HYCC2: variants seen among roughly 807,000 people sequenced by gnomAD.
HYCC2 encodes hyccin 2.
the HYCC2 span, among the ~76,000 whole-genome samples, chr2:201,058,112 C>A: frequency 2.6e-5 from 4 of 152,112 alleles, no homozygotes; most frequent in Admixed American, 6.6e-5. Context: ...TACCCTCTAT[C>A]CTAACTACCC....
chr2:200,987,947 G>A, the HYCC2 span, among the ~76,000 whole-genome samples: 1 of 152,020 alleles, frequency 6.6e-6, no homozygotes, highest in African/African-American at 2.4e-5. Context: ...GTGCTCATAT[G>A]TGCACCTTTT....
chr2:201,055,381 T>G, the HYCC2 span, among the ~76,000 whole-genome samples: 3 of 133,260 alleles, frequency 2.3e-5, no homozygotes, highest in African/African-American at 8.9e-5. Flanking sequence ...AAATTCCATC[T>G]CGAAAAAAAA....
chr2:201,042,314 ACCTCCCAGCCG>A, the HYCC2 span, among the ~76,000 whole-genome samples: 1 of 149,400 alleles, frequency 6.7e-6, no homozygotes, highest in African/African-American at 2.5e-5. Flanking sequence ...TACAACCTAC[ACCTCCCAGCCG>A]CCTGCCTTGG....
At chr2:200,975,156 T>A in the HYCC2 span, 1 of 151,996 alleles carries the variant, frequency 6.6e-6, no homozygotes, top group Non-Finnish European at 1.5e-5. Flanking sequence ...TTGACATTTA[T>A]TGACATAAGA....
At chr2:201,059,554 T>C in the HYCC2 span, among the ~76,000 whole-genome samples, 1 of 152,196 alleles carries the variant, frequency 6.6e-6, no homozygotes, top group East Asian at 1.9e-4. Flanking sequence ...ATCTTGACTT[T>C]TGGGAAGGAA....
the HYCC2 span, chr2:201,063,240 C>T: frequency 5.0e-6 from 8 of 1,596,788 alleles, no homozygotes; most frequent in Admixed American, 8.3e-5. Context: ...GATCCAAACA[C>T]CAAGTGCTCC....
chr2:200,999,354 T>C, the HYCC2 span, among the ~76,000 whole-genome samples: 7 of 152,016 alleles, frequency 4.6e-5, no homozygotes, highest in Admixed American at 4.6e-4. Flanking sequence ...TATATTAACA[T>C]GGTCAGAGCT....
chr2:201,017,246 C>A, the HYCC2 span: 2 of 1,034,598 alleles, frequency 1.9e-6, no homozygotes, highest in South Asian at 1.8e-5. Flanking sequence ...TTTAAGGCAC[C>A]TATATCTGTA....
At chr2:201,055,925 A>G in the HYCC2 span, among the ~76,000 whole-genome samples, 1 of 152,144 alleles carries the variant, frequency 6.6e-6, no homozygotes, top group Non-Finnish European at 1.5e-5. Context: ...ACGGTGGCTC[A>G]CACCTGTAAT....
At chr2:200,993,468 A>G in the HYCC2 span, among the ~76,000 whole-genome samples, 6 of 152,184 alleles carry the variant, frequency 3.9e-5, no homozygotes, top group Non-Finnish European at 5.9e-5. Flanking sequence ...CATCCATTCA[A>G]TCTCATTAAG....
chr2:200,974,989 C>T, the HYCC2 span: 18 of 151,862 alleles, frequency 1.2e-4, no homozygotes, highest in Non-Finnish European at 2.2e-4. Context: ...TTTTACTTAA[C>T]CCACAATATT....
the HYCC2 span, among the ~76,000 whole-genome samples, chr2:201,067,704 C>A: frequency 6.6e-6 from 1 of 152,092 alleles, no homozygotes; most frequent in South Asian, 2.1e-4. Context: ...AATGTTAATG[C>A]AAAGATTAAT....
chr2:201,034,786 T>C, the HYCC2 span, among the ~76,000 whole-genome samples: 4 of 152,238 alleles, frequency 2.6e-5, no homozygotes. Flanking sequence ...TCAGGAGCTC[T>C]TTTAGGGCAG....
the HYCC2 span, among the ~76,000 whole-genome samples, chr2:201,004,907 C>T: frequency 6.6e-6 from 1 of 150,464 alleles, no homozygotes; most frequent in African/African-American, 2.5e-5. Context: ...GTCCCAGCTA[C>T]TTGGGAGCCT....
chr2:201,004,517 GGTCCT>G, the HYCC2 span, among the ~76,000 whole-genome samples: 140 of 152,342 alleles, frequency 9.2e-4, no homozygotes, highest in African/African-American at 3.0e-3. Context: ...TCTGGGGGAA[GGTCCT>G]GCACATAGCT....
chr2:201,043,405 A>G, the HYCC2 span, among the ~76,000 whole-genome samples: 1 of 151,054 alleles, frequency 6.6e-6, no homozygotes, highest in East Asian at 1.9e-4. Flanking sequence ...CCTCTCCGAG[A>G]AACACCCAAG....
the HYCC2 span, among the ~76,000 whole-genome samples, chr2:201,032,857 TCTTA>T: frequency 6.6e-6 from 1 of 152,028 alleles, no homozygotes; most frequent in South Asian, 2.1e-4. Context: ...AGAGACAGGG[TCTTA>T]CTATGTTGCC....
the HYCC2 span, chr2:200,979,014 C>A: frequency 6.6e-6 from 1 of 151,930 alleles, no homozygotes; most frequent in Non-Finnish European, 1.5e-5. Context: ...CAGCCATAGC[C>A]AAGATCTCAC....
chr2:200,978,929 C>T, the HYCC2 span: 1 of 152,106 alleles, frequency 6.6e-6, no homozygotes, highest in African/African-American at 2.4e-5. Context: ...ATTTAGATGC[C>T]AATAAATGCA....
Sources: gnomAD v4.1 joint callset for allele counts (sites outside exome capture counted in the v4.1 genomes callset) on GRCh38, gnomAD v4.1.1 for gene constraint, MANE v1.5 for transcripts, NCBI Gene and HGNC (gene_info 2026-07-23, HGNC 2026-07-21) for gene names.